COX18: variants seen among roughly 807,000 people sequenced by gnomAD.
COX18 encodes the protein cytochrome c oxidase assembly protein COX18, mitochondrial.
Under a neutral mutation model 38.0 loss-of-function variants are expected in COX18, and 45 were observed. That is an observed-to-expected ratio of 1.18 (90% CI 0.93 to 1.52). COX18 has a LOEUF of 1.52. Ranked by LOEUF, COX18 falls within the 40% of genes most tolerant of loss-of-function variation. The pLI is 0.00. For missense variants in COX18, 462 were observed against 423.8 expected (o/e 1.09, Z -0.79); for synonymous variants, 177 against 169.8 (o/e 1.04, Z -0.33).
At chr4:73,060,099 A>G (rs1486012541) in intron 5 of COX18, among the ~76,000 whole-genome samples, 1 of 152,200 alleles carries the variant, frequency 6.6e-6, no homozygotes, top group African/African-American at 2.4e-5. Flanking sequence ...GTAGCCTTGA[A>G]ATCACAGGCT....
At chr4:73,064,646 C>G (rs557626903) in intron 4 of COX18, 132 bp downstream of exon 4, 2 of 1,042,590 alleles carry the variant, frequency 1.9e-6, no homozygotes, top group Non-Finnish European at 2.8e-6. Context: ...TGACGTGGAA[C>G]CAGGAACCAA....
At chr4:73,061,508 A>G (rs1208670849) in intron 5 of COX18, among the ~76,000 whole-genome samples, 8 of 151,998 alleles carry the variant, frequency 5.3e-5, no homozygotes, top group Non-Finnish European at 1.2e-4. Flanking sequence ...GGAGATCGAG[A>G]CCATCCTGGT....
rs565498219 is a variant in COX18 at position 73,064,608 on chromosome 4, G to C, written c.723+170C>G. ...TTTCGAGAGTTCTGAGGCCCAGAGA[G>C]GTTAAGGGACAGGCCTAAGCCAATG... is the stretch of plus-strand genomic sequence containing the variant. On this transcript the variant is annotated intron_variant, in intron 4 of 5. Coordinates refer to ENST00000507544, the MANE Select transcript of COX18 (RefSeq NM_001297732.2). 2.0e-5 allele frequency among the ~76,000 whole-genome samples: 3 copies of C among 152,366 alleles called. No homozygotes were observed. The East Asian group carries it at 5.8e-4, about 29-fold the overall frequency.
At chr4:73,064,957 T>TAA in intron 3 of COX18, 55 bp from the exon 4 acceptor site, 1 of 1,538,032 alleles carries the variant, frequency 6.5e-7, no homozygotes, top group Admixed American at 1.7e-5. Flanking sequence ...CAGAGAAAAA[T>TAA]ATATAAGACA....
intron 2 of COX18, among the ~76,000 whole-genome samples, 188 bp downstream of exon 2, chr4:73,067,841 C>CAAAAA (rs1553907450): frequency 0.24 from 480 of 2,002 alleles, 199 homozygotes; most frequent in Middle Eastern, 1. Context: ...AACTCCGTCT[C>CAAAAA]AAAAAAAAAA....
chr4:73,058,357 A>T (rs1197117042), intron 5 of COX18, 70 bp from the exon 6 acceptor site: 8 of 1,147,332 alleles, frequency 7.0e-6, no homozygotes, highest in Non-Finnish European at 9.8e-6. Flanking sequence ...ACAATAAAAA[A>T]TAAAATGACA....
In COX18 at chr4:73,061,828, A is replaced by G. The variant is rs111412479; in HGVS notation, c.816T>C (p.Ala272=). Residue 272 remains alanine (A), a synonymous_variant, in exon 5 of 6, where the codon GCT becomes GCC. Coordinates refer to ENST00000507544, the MANE Select transcript of COX18 (RefSeq NM_001297732.2). ...RAMSVLMIPI[A]ATVPSSIVLY... Reference sequence around the variant, plus strand: ...GCTTACTCACTGAGGGTACCGTTGCAGCAATTGGTATCATCAACACCGACA... The same window carrying G: ...GCTTACTCACTGAGGGTACCGTTGCGGCAATTGGTATCATCAACACCGACA... The G allele has an allele frequency of 2.0e-5, 32 of 1,608,720 alleles. No homozygotes were observed. The African/African-American group carries it at 3.3e-4, about 17-fold the overall frequency.
In COX18 at chr4:73,064,871, A is replaced by G. The variant is rs1235913506; in HGVS notation, c.630T>C (p.Thr210=). 6.2e-7 allele frequency: 1 copy of G among 1,613,868 alleles called. No homozygotes were observed. Among genetic ancestry groups the G allele is most frequent in the African/African-American group, 1.3e-5 (1 of 74,936 alleles). ...AGFSVQEQLA[T]GGILWFPDLT... ...GGTCAGGAAACCACAGAATTCCACC[A>G]GTAGCTAACTGTTCCTGAACAGAAA... Residue 210 remains threonine, a synonymous_variant, in exon 4 of 6, where the codon ACT becomes ACC. Coordinates refer to ENST00000507544, the MANE Select transcript of COX18 (RefSeq NM_001297732.2).
intron 4 of COX18, among the ~76,000 whole-genome samples, chr4:73,064,543 C>T (rs1257630120): frequency 6.6e-6 from 1 of 152,144 alleles, no homozygotes; most frequent in Non-Finnish European, 1.5e-5. Flanking sequence ...AATTTTGAAG[C>T]TGAAAGAGAC....
intron 5 of COX18, among the ~76,000 whole-genome samples, chr4:73,060,137 C>T (rs1321127954): frequency 6.6e-6 from 1 of 152,198 alleles, no homozygotes; most frequent in Non-Finnish European, 1.5e-5. Flanking sequence ...AAGAGAGCAG[C>T]AGTCTGGGTC....
At chr4:73,063,549 C>T (rs1029167220) in intron 4 of COX18, among the ~76,000 whole-genome samples, 6 of 152,114 alleles carry the variant, frequency 3.9e-5, no homozygotes, top group Admixed American at 6.5e-5. Flanking sequence ...GCCACCATGC[C>T]CCGCTATGAA....
At chr4:73,064,340 A>G (rs1478558590) in intron 4 of COX18, among the ~76,000 whole-genome samples, 1 of 152,200 alleles carries the variant, frequency 6.6e-6, no homozygotes, top group Non-Finnish European at 1.5e-5. Flanking sequence ...AAGACATTCA[A>G]TGACTTTTCT....
chr4:73,064,148 G>T (rs560639835), intron 4 of COX18, among the ~76,000 whole-genome samples: 1 of 152,188 alleles, frequency 6.6e-6, no homozygotes, highest in African/African-American at 2.4e-5. Flanking sequence ...AGCCGGGTGT[G>T]GTGGTGTGCG....
At chr4:73,068,523 T>C (rs1218832875) in intron 1 of COX18, 1 of 156,548 alleles carries the variant, frequency 6.4e-6, no homozygotes, top group African/African-American at 2.4e-5. Flanking sequence ...TACACTGTGA[T>C]AGCCACAAAT....
chr4:73,069,024 CTT>C (rs1253138810), intron 1 of COX18, among the ~76,000 whole-genome samples: 1 of 152,226 alleles, frequency 6.6e-6, no homozygotes, highest in African/African-American at 2.4e-5. Context: ...CGACTGATTT[CTT>C]TGTCTCCGTT....
intron 4 of COX18, among the ~76,000 whole-genome samples, chr4:73,062,923 C>T (rs758825614): frequency 3.3e-5 from 5 of 151,722 alleles, no homozygotes; most frequent in African/African-American, 4.8e-5. Flanking sequence ...ATTTTTATGC[C>T]TCACTTTCTC....
chr4:73,065,112 C>T (rs2110057106), intron 3 of COX18, 138 bp downstream of exon 3: 2 of 952,460 alleles, frequency 2.1e-6, no homozygotes, highest in Admixed American at 2.9e-5. Flanking sequence ...ACACTTAAGA[C>T]TTTAAATTCT....
At chr4:73,058,626 C>T (rs138504041) in intron 5 of COX18, among the ~76,000 whole-genome samples, 4 of 152,308 alleles carry the variant, frequency 2.6e-5, no homozygotes, top group Admixed American at 2.6e-4. Flanking sequence ...TGCTTACATA[C>T]TGAAGGTAGA....
At chr4:73,069,253 T>G (rs931599069) in intron 1 of COX18, 64 bp downstream of exon 1, 5 of 1,233,682 alleles carry the variant, frequency 4.1e-6, no homozygotes, top group Non-Finnish European at 5.5e-6. Flanking sequence ...CCTGAGTGAA[T>G]GTCGGCCTTC....
Sources: gnomAD v4.1 joint callset for allele counts (sites outside exome capture counted in the v4.1 genomes callset) on GRCh38, gnomAD v4.1.1 for gene constraint, MANE v1.5 for transcripts, NCBI Gene and HGNC (gene_info 2026-07-23, HGNC 2026-07-21) for gene names.